Variants in GABBR2 observed in about 807,000 individuals in gnomAD.
GABBR2 encodes G-protein coupled receptor 51.
In GABBR2, 23 loss-of-function variants were observed where a neutral mutation model predicts 105.6. The ratio of observed to expected loss-of-function variants is 0.22; its 90% confidence interval spans 0.16 to 0.31. The LOEUF (loss-of-function observed/expected upper bound fraction) is 0.31. Among genes scored for constraint, GABBR2 ranks in the 10% least tolerant of loss-of-function variants. The probability of loss-of-function intolerance (pLI) is 1.00; values close to 1 mark genes in which losing one functional copy is unlikely to be tolerated. For synonymous variants in GABBR2, 478 were observed against 499.7 expected, an observed-to-expected ratio of 0.96 and a Z score of 0.58; for missense variants, 734 against 1,245.5, an observed-to-expected ratio of 0.59 and a Z score of 6.18.
chr9:98,614,897 T>A (rs1808278319), intron 1 of GABBR2, among the ~76,000 whole-genome samples: 1 of 152,198 alleles, frequency 6.6e-6, no homozygotes, highest in Non-Finnish European at 1.5e-5. Flanking sequence ...AACACAGGTC[T>A]CAGTGATGCT....
At chr9:98,414,579 T>C (rs1447043627) in intron 7 of GABBR2, among the ~76,000 whole-genome samples, 1 of 152,138 alleles carries the variant, frequency 6.6e-6, no homozygotes. Context: ...ACTTAAGTAT[T>C]ATATTATAAA....
intron 1 of GABBR2, among the ~76,000 whole-genome samples, chr9:98,605,493 C>T (rs138673802): frequency 2.9e-3 from 447 of 152,320 alleles, no homozygotes; most frequent in Non-Finnish European, 4.5e-3. Context: ...ATGGGGAAAC[C>T]CACAAGCCCA....
chr9:98,624,102 G>A (rs373963317), intron 1 of GABBR2, among the ~76,000 whole-genome samples: 12 of 152,302 alleles, frequency 7.9e-5, no homozygotes, highest in African/African-American at 2.9e-4. Flanking sequence ...TTTGGCTGGA[G>A]AGCCAAGGAC....
At chr9:98,464,021 A>G (rs1217657755) in intron 6 of GABBR2, among the ~76,000 whole-genome samples, 1 of 152,122 alleles carries the variant, frequency 6.6e-6, no homozygotes. Context: ...TGGCCTCCCA[A>G]AGTGCTAAGA....
intron 8 of GABBR2, among the ~76,000 whole-genome samples, chr9:98,399,183 G>A (rs189956131): frequency 3.9e-5 from 6 of 152,016 alleles, no homozygotes; most frequent in Admixed American, 2.6e-4. Flanking sequence ...GTGAAACCCC[G>A]TCTCTACTAA....
intron 13 of GABBR2, among the ~76,000 whole-genome samples, chr9:98,332,957 C>T (rs1456474882): frequency 6.6e-6 from 1 of 152,178 alleles, no homozygotes; most frequent in East Asian, 1.9e-4. Context: ...AATAATGGCT[C>T]AGAGAGGCCT....
chr9:98,511,234 T>C (rs1213521042), intron 3 of GABBR2, among the ~76,000 whole-genome samples: 1 of 149,722 alleles, frequency 6.7e-6, no homozygotes, highest in African/African-American at 2.5e-5. Flanking sequence ...CATACCAGAA[T>C]CTCTGGGACA....
chr9:98,310,389 C>T (rs188936914), intron 14 of GABBR2, among the ~76,000 whole-genome samples: 19 of 148,124 alleles, frequency 1.3e-4, no homozygotes, highest in African/African-American at 5.1e-4. Context: ...ATTGGGATTA[C>T]AGGCGCCCAC....
chr9:98,341,210 G>T (rs10985909), intron 13 of GABBR2, among the ~76,000 whole-genome samples: 12,657 of 152,226 alleles, frequency 0.083, 771 homozygotes, highest in East Asian at 0.28. Flanking sequence ...GAATCGCGGC[G>T]GTGGCTGGCA....
chr9:98,616,625 A>T (rs1464806323), intron 1 of GABBR2, among the ~76,000 whole-genome samples: 1 of 152,052 alleles, frequency 6.6e-6, no homozygotes, highest in Non-Finnish European at 1.5e-5. Flanking sequence ...ATGGTGGTGC[A>T]TGCCCGTAAT....
intron 1 of GABBR2, among the ~76,000 whole-genome samples, chr9:98,672,550 G>C (rs908520968): frequency 3.9e-5 from 6 of 152,362 alleles, no homozygotes; most frequent in African/African-American, 1.4e-4. Flanking sequence ...GTCTTGGCCA[G>C]ATGGGCACAG....
Position 98,527,449 on chromosome 9 carries a change from A to G in GABBR2, c.630+14424T>C, listed in dbSNP as rs371967947. Among the ~76,000 whole-genome samples the G allele has an allele frequency of 3.9e-5, 6 of 152,308 alleles. No homozygotes were observed. In the East Asian group the frequency reaches 7.7e-4, roughly 20 times the overall value. On this transcript the variant is annotated intron_variant, in intron 3 of 18. Coordinates refer to ENST00000259455, the MANE Select transcript of GABBR2 (RefSeq NM_005458.8). ...TCTTGCTCCAGATGTTATTATATCT[A>G]CCTAGAAAATCCAAGAGAATTAAGA... is the stretch of plus-strand genomic sequence containing the variant.
At chr9:98,512,366 C>T (rs1426946227) in intron 3 of GABBR2, among the ~76,000 whole-genome samples, 2 of 151,086 alleles carry the variant, frequency 1.3e-5, no homozygotes, top group Non-Finnish European at 2.9e-5. Flanking sequence ...GATGCCCTCT[C>T]TCACCACTCC....
At chr9:98,420,504 T>G (rs1237765744) in intron 7 of GABBR2, among the ~76,000 whole-genome samples, 1 of 152,140 alleles carries the variant, frequency 6.6e-6, no homozygotes, top group African/African-American at 2.4e-5. Flanking sequence ...GAGTACTGGC[T>G]GTGCATCAGA....
At position 98,543,116 on chromosome 9, in the gene GABBR2, T is replaced by G. The variant is rs539245057; in HGVS notation, c.460-1073A>C. 1.0e-3 allele frequency among the ~76,000 whole-genome samples: 157 copies of G among 152,204 alleles called. 1 individual carries two copies. Among genetic ancestry groups the G allele is most frequent in the African/African-American group, 3.6e-3 (151 of 41,568 alleles). ...TTCTTCTTTTTCTTTTAAGTGCCAG[T>G]TAAGTTGTTAAGTTGGATTTTAATT... On this transcript the variant is annotated intron_variant, in intron 2 of 18. Coordinates refer to ENST00000259455, the MANE Select transcript of GABBR2 (RefSeq NM_005458.8).
chr9:98,299,550 T>A (rs1197803758), intron 16 of GABBR2, among the ~76,000 whole-genome samples, 197 bp from the exon 17 acceptor site: 1 of 152,138 alleles, frequency 6.6e-6, no homozygotes, highest in Non-Finnish European at 1.5e-5. Flanking sequence ...GAAGCTATGA[T>A]AAGAGGGACC....
At chr9:98,453,531 A>T (rs1219697297) in intron 7 of GABBR2, among the ~76,000 whole-genome samples, 1 of 152,146 alleles carries the variant, frequency 6.6e-6, no homozygotes, top group African/African-American at 2.4e-5. Context: ...ATTCACATGG[A>T]GATTGAAGAG....
chr9:98,314,852 C>A (rs757309202), intron 13 of GABBR2, among the ~76,000 whole-genome samples: 3 of 152,172 alleles, frequency 2.0e-5, no homozygotes, highest in Admixed American at 6.5e-5. Context: ...AGATTTACCA[C>A]TCCTACAGGC....
At chr9:98,484,531 C>T (rs949921691) in intron 4 of GABBR2, among the ~76,000 whole-genome samples, 1 of 152,082 alleles carries the variant, frequency 6.6e-6, no homozygotes, top group African/African-American at 2.4e-5. Flanking sequence ...GAAGGAGGAG[C>T]AGCCCGGAAT....
Sources: gnomAD v4.1 joint callset for allele counts (sites outside exome capture counted in the v4.1 genomes callset) on GRCh38, gnomAD v4.1.1 for gene constraint, MANE v1.5 for transcripts, NCBI Gene and HGNC (gene_info 2026-07-23, HGNC 2026-07-21) for gene names.